The following XKR7 variants were observed in gnomAD, a reference collection of about 807,000 sequenced individuals.
The protein encoded by XKR7 is XK-related protein 7.
Under a neutral mutation model 42.2 loss-of-function variants are expected in XKR7, and 11 were observed. The observed-to-expected ratio is 0.26, with a 90% CI of 0.16 to 0.43. The LOEUF is 0.43. Ranked by LOEUF, XKR7 falls within the 20% of genes least tolerant of loss-of-function variation. The pLI is 1.00. For synonymous variants in XKR7, 346 were observed against 366.4 expected, an observed-to-expected ratio of 0.94 and a Z score of 0.64; for missense variants, 710 against 802.2, an observed-to-expected ratio of 0.89 and a Z score of 1.39.
intron 1 of XKR7, among the ~76,000 whole-genome samples, chr20:31,979,994 A>G (rs750415859): frequency 2.6e-5 from 4 of 152,078 alleles, no homozygotes; most frequent in Non-Finnish European, 4.4e-5. Context: ...TTTGCTGAAG[A>G]GGGGCTGCCC....
chr20:31,984,773 G>A (rs530500535), intron 1 of XKR7, among the ~76,000 whole-genome samples: 6 of 152,188 alleles, frequency 3.9e-5, no homozygotes, highest in Non-Finnish European at 7.3e-5. Context: ...AAGCTGCCAC[G>A]TAGGCAGCCG....
At chr20:31,989,277 C>A (rs2064557599) in intron 1 of XKR7, among the ~76,000 whole-genome samples, 1 of 111,402 alleles carries the variant, frequency 9.0e-6, no homozygotes, top group Admixed American at 8.3e-5. Context: ...TTTAGGACAC[C>A]CCCCCCCCAG....
chr20:31,993,111 C>CACAT (rs60883128), intron 1 of XKR7, among the ~76,000 whole-genome samples: 17,771 of 150,460 alleles, frequency 0.12, 1,264 homozygotes, highest in Middle Eastern at 0.2. Context: ...CACACACACA[C>CACAT]ACACATACAC....
rs1265934619 is a variant in XKR7, at chr20:32,001,329, C to T, written c.*3872C>T. The T allele has an allele frequency of 6.6e-6, 1 of 152,054 alleles. No individual in the cohort carries two copies. The highest frequency in any genetic ancestry group is 1.5e-5 in the Non-Finnish European group (1 of 68,026). 9.4% of individuals were successfully genotyped at this position (152,054 alleles called of 1,614,324 possible). A position where few individuals can be genotyped will look rare whatever the true frequency, so the allele number is the denominator to read the frequency against. ...GGCAGACAGGAGAGTGAGTGTGTGCCCTGCCTGTAGGTACTAAAATTCAAA... is the reference window on the plus strand; with the variant it reads ...GGCAGACAGGAGAGTGAGTGTGTGCTCTGCCTGTAGGTACTAAAATTCAAA... On this transcript the variant is annotated 3_prime_UTR_variant, in exon 3 of 3. Coordinates refer to ENST00000562532, the MANE Select transcript of XKR7 (RefSeq NM_001011718.2).
chr20:31,973,065 C>T (rs2064471559), intron 1 of XKR7, among the ~76,000 whole-genome samples: 1 of 152,232 alleles, frequency 6.6e-6, no homozygotes, highest in Admixed American at 6.5e-5. Flanking sequence ...ATTGTACCCA[C>T]CCGCCTCTTA....
chr20:31,986,627 A>G (rs942901240), intron 1 of XKR7, among the ~76,000 whole-genome samples: 1 of 143,666 alleles, frequency 7.0e-6, no homozygotes, highest in African/African-American at 2.7e-5. Flanking sequence ...TCCAACATCC[A>G]AGACACAGAC....
At chr20:31,982,019 T>A (rs1351569728) in intron 1 of XKR7, among the ~76,000 whole-genome samples, 1 of 152,212 alleles carries the variant, frequency 6.6e-6, no homozygotes, top group Non-Finnish European at 1.5e-5. Flanking sequence ...CCAATAGCAC[T>A]GCCATCCACA....
intron 1 of XKR7, among the ~76,000 whole-genome samples, chr20:31,971,488 G>T (rs1221191005): frequency 2.0e-5 from 3 of 152,236 alleles, no homozygotes; most frequent in African/African-American, 7.2e-5. Flanking sequence ...AAAACCCAGA[G>T]AAGGTATAGA....
At position 31,968,235 on chromosome 20, in the gene XKR7, C is replaced by G; in HGVS notation, c.60C>G (p.Ala20=). The G allele has an allele frequency of 8.7e-7, 1 of 1,145,746 alleles. No individual in the cohort carries two copies. Among genetic ancestry groups the G allele is most frequent in the Non-Finnish European group, 1.1e-6 (1 of 932,820 alleles). 71.0% of individuals were successfully genotyped at this position (1,145,746 alleles called of 1,614,324 possible). ...CCAGCCCGGACCCGGAGGGGGCTGCCGGTGGAGCCCGGGGCAGTGCCGGCG... is the reference window on the plus strand; with the variant it reads ...CCAGCCCGGACCCGGAGGGGGCTGCGGGTGGAGCCCGGGGCAGTGCCGGCG... ...ASASPDPEGA[A]GGARGSAGGR... is the part of the protein sequence containing the mutation. The change falls in exon 1 of 3, where the codon GCC becomes GCG. Residue 20 remains alanine, a synonymous_variant. Coordinates refer to ENST00000562532, the MANE Select transcript of XKR7 (RefSeq NM_001011718.2). The surrounding 1 kb of genome is among the most constrained non-coding windows in gnomAD (Gnocchi z 4.5).
chr20:31,973,916 C>A (rs577511761), intron 1 of XKR7, among the ~76,000 whole-genome samples: 2 of 151,974 alleles, frequency 1.3e-5, no homozygotes, highest in African/African-American at 4.8e-5. Context: ...CTGGAGGGGC[C>A]GGGCACAGTG....
In XKR7 at chr20:31,971,199, T is replaced by C. The variant is rs1213687075; in HGVS notation, c.584+2440T>C. On this transcript the variant is annotated intron_variant, in intron 1 of 2. Coordinates refer to ENST00000562532, the MANE Select transcript of XKR7 (RefSeq NM_001011718.2). ...TGGGTGAGGACGGGAACAGTGTGTATTGTGGGGAAAAGGCTGGATTCGGGG... is the reference window on the plus strand; with the variant it reads ...TGGGTGAGGACGGGAACAGTGTGTACTGTGGGGAAAAGGCTGGATTCGGGG... 2.0e-5 allele frequency among the ~76,000 whole-genome samples: 3 copies of C among 151,990 alleles called. No individual in the cohort carries two copies. In the East Asian group the frequency reaches 5.8e-4, roughly 29 times the overall value.
intron 1 of XKR7, among the ~76,000 whole-genome samples, chr20:31,980,354 A>T (rs1334619813): frequency 6.6e-6 from 1 of 152,122 alleles, no homozygotes; most frequent in Non-Finnish European, 1.5e-5. Flanking sequence ...GCAGATGGGG[A>T]GGGGGCCTCA....
chr20:31,979,885 A>G (rs1428929012), intron 1 of XKR7, among the ~76,000 whole-genome samples: 2 of 152,060 alleles, frequency 1.3e-5, no homozygotes, highest in East Asian at 3.9e-4. Flanking sequence ...CTCTGCACCC[A>G]TTTCACAGAT....
chr20:31,971,716 A>G (rs2064466620), intron 1 of XKR7, among the ~76,000 whole-genome samples: 1 of 152,208 alleles, frequency 6.6e-6, no homozygotes, highest in Non-Finnish European at 1.5e-5. Flanking sequence ...AATTATAATC[A>G]TGAAGATATT....
Position 31,995,051 on chromosome 20 carries a change from C to T in XKR7, c.585-17C>T, listed in dbSNP as rs2064584502. ...GAACCAGCGCGCGGGAGCCTGAGCA[C>T]CGCGTCCTTCCCGCAGGTACCTGCG... On this transcript the variant is annotated splice_polypyrimidine_tract_variant and intron_variant, in intron 1 of 2. Transcript: ENST00000562532. The surrounding 1 kb of genome is among the most constrained non-coding windows in gnomAD (Gnocchi z 4.1). 1.9e-6 allele frequency: 3 copies of T among 1,541,430 alleles called. No homozygotes were observed. The East Asian group carries it at 7.4e-5, about 38-fold the overall frequency.
At chr20:31,986,471 G>A (rs2064540893) in intron 1 of XKR7, among the ~76,000 whole-genome samples, 2 of 131,988 alleles carry the variant, frequency 1.5e-5, no homozygotes, top group African/African-American at 5.9e-5. Context: ...CCAAGACACA[G>A]ACAGACAGAC....
chr20:31,993,938 G>C (rs1288816571), intron 1 of XKR7, among the ~76,000 whole-genome samples: 1 of 152,216 alleles, frequency 6.6e-6, no homozygotes, highest in Non-Finnish European at 1.5e-5. Flanking sequence ...GTTTTAGGGA[G>C]AGGAAACAAT....
At chr20:31,985,644 A>C (rs1568886057) in intron 1 of XKR7, among the ~76,000 whole-genome samples, 1 of 151,008 alleles carries the variant, frequency 6.6e-6, no homozygotes, top group Non-Finnish European at 1.5e-5. Flanking sequence ...ACCACCAAGC[A>C]GACCCAGCAT....
chr20:31,985,341 G>A (rs563175168), intron 1 of XKR7, among the ~76,000 whole-genome samples: 1 of 152,254 alleles, frequency 6.6e-6, no homozygotes, highest in African/African-American at 2.4e-5. Context: ...GGAGTGGGGA[G>A]GGGCGAGAAC....
Sources: gnomAD v4.1 joint callset for allele counts (sites outside exome capture counted in the v4.1 genomes callset) on GRCh38, gnomAD v4.1.1 for gene constraint, Gnocchi (gnomAD v3.1) non-coding constraint, MANE v1.5 for transcripts, NCBI Gene and HGNC (gene_info 2026-07-23, HGNC 2026-07-21) for gene names.